RBKS: variants seen among roughly 807,000 people sequenced by gnomAD.
RBKS encodes ribokinase.
A neutral mutation model predicts 33.9 loss-of-function variants in RBKS; 33 were observed. The observed-to-expected ratio is 0.97, with a 90% CI of 0.74 to 1.30. The LOEUF is 1.30. Ranked by LOEUF, RBKS falls within the 50% of genes most tolerant of loss-of-function variation. The pLI is 0.00. For missense variants in RBKS, 361 were observed against 392.6 expected, an observed-to-expected ratio of 0.92 and a Z score of 0.68; for synonymous variants, 125 against 143.0, an observed-to-expected ratio of 0.87 and a Z score of 0.90.
chr2:27,798,316 T>C (rs1485844079), intron 7 of RBKS, among the ~76,000 whole-genome samples: 1 of 152,134 alleles, frequency 6.6e-6, no homozygotes, highest in Non-Finnish European at 1.5e-5. Flanking sequence ...CTGCTTAACC[T>C]GGCTCATGTC....
chr2:27,782,238 T>A (rs1677302703), intron 7 of RBKS, among the ~76,000 whole-genome samples: 1 of 152,138 alleles, frequency 6.6e-6, no homozygotes, highest in African/African-American at 2.4e-5. Context: ...CATAGCTCAC[T>A]GCAGCCTGGG....
At chr2:27,874,640 C>T (rs1664277917) in intron 1 of RBKS, among the ~76,000 whole-genome samples, 1 of 152,222 alleles carries the variant, frequency 6.6e-6, no homozygotes, top group Non-Finnish European at 1.5e-5. Context: ...ACCCCTTTCT[C>T]TTAAAGGTTA....
intron 5 of RBKS, among the ~76,000 whole-genome samples, chr2:27,842,410 CAT>C (rs1168215532): frequency 1.3e-5 from 2 of 152,004 alleles, no homozygotes; most frequent in African/African-American, 4.8e-5. Flanking sequence ...ACATTGATAA[CAT>C]AGAAAATATT....
chr2:27,874,140 T>C (rs1477119910), intron 1 of RBKS, among the ~76,000 whole-genome samples: 2 of 152,086 alleles, frequency 1.3e-5, no homozygotes, highest in Non-Finnish European at 2.9e-5. Flanking sequence ...GAAGATCATA[T>C]GACAAAAAAG....
intron 1 of RBKS, among the ~76,000 whole-genome samples, chr2:27,872,992 A>C (rs1664244618): frequency 6.6e-6 from 1 of 152,112 alleles, no homozygotes; most frequent in Non-Finnish European, 1.5e-5. Context: ...GCAAATGGGG[A>C]GAGGAGTGAG....
chr2:27,849,457 A>G (rs1663689505), intron 2 of RBKS, among the ~76,000 whole-genome samples: 1 of 146,700 alleles, frequency 6.8e-6, no homozygotes, highest in African/African-American at 2.5e-5. Context: ...CAGTTACTTG[A>G]GAGGCTGAGG....
At chr2:27,863,206 G>C (rs1664024312) in intron 1 of RBKS, among the ~76,000 whole-genome samples, 1 of 152,184 alleles carries the variant, frequency 6.6e-6, no homozygotes, top group Non-Finnish European at 1.5e-5. Context: ...CAAATTCATA[G>C]CTTTTAAAAT....
intron 1 of RBKS, among the ~76,000 whole-genome samples, chr2:27,869,352 A>G (rs1664158856): frequency 6.6e-6 from 1 of 152,238 alleles, no homozygotes; most frequent in Non-Finnish European, 1.5e-5. Context: ...ACACTATGTT[A>G]TCAAATTTAA....
intron 7 of RBKS, among the ~76,000 whole-genome samples, chr2:27,789,916 T>TG (rs1491271105): frequency 0.029 from 3,136 of 109,162 alleles, 120 homozygotes; most frequent in African/African-American, 0.13. Context: ...TGTGTGTGTG[T>TG]TTGTGTGTGT....
At chr2:27,841,605 CA>C (rs1441824526) in intron 5 of RBKS, among the ~76,000 whole-genome samples, 1 of 152,062 alleles carries the variant, frequency 6.6e-6, no homozygotes, top group Non-Finnish European at 1.5e-5. Flanking sequence ...GTTGTTTTGC[CA>C]AGAGGAAAAT....
chr2:27,856,558 T>C (rs1663859725), intron 2 of RBKS, among the ~76,000 whole-genome samples: 1 of 152,198 alleles, frequency 6.6e-6, no homozygotes, highest in African/African-American at 2.4e-5. Context: ...TAAAATCAAT[T>C]TCATAATCTT....
chr2:27,858,654 A>C (rs1337332445), intron 1 of RBKS, 83 bp from the exon 2 acceptor site: 2 of 1,212,486 alleles, frequency 1.6e-6, no homozygotes, highest in Non-Finnish European at 2.4e-6. Context: ...GGAAGGCTAT[A>C]TGGTAGAGCT....
chr2:27,848,125 A>C (rs1164438426), intron 2 of RBKS, 28 bp from the exon 3 acceptor site: 1 of 1,291,112 alleles, frequency 7.7e-7, no homozygotes, highest in Non-Finnish European at 1.1e-6. Context: ...TGAATATTAG[A>C]TCTTTTAGAG....
At position 27,781,560 on chromosome 2, in the gene RBKS, G is replaced by T; in HGVS notation, c.*55C>A. ...TTCTAATAAGCATTAGCCAGGAGCA[G>T]CCACCCCCAAGTACATTTTATTCCC... On this transcript the variant is annotated 3_prime_UTR_variant, in exon 8 of 8. Coordinates refer to ENST00000302188, the MANE Select transcript of RBKS (RefSeq NM_022128.3). The T allele has an allele frequency of 7.1e-7, 1 of 1,416,208 alleles. No homozygotes were observed. Among genetic ancestry groups the T allele is most frequent in the Non-Finnish European group, 9.5e-7 (1 of 1,048,334 alleles). The allele number at this position is 1,416,208 out of a possible 1,614,324, so 87.7% of individuals were successfully genotyped here.
intron 1 of RBKS, among the ~76,000 whole-genome samples, chr2:27,867,085 C>T (rs2148224163): frequency 7.6e-6 from 1 of 131,326 alleles, no homozygotes; most frequent in Admixed American, 8.4e-5. Context: ...GCCTGAGTGA[C>T]AGAGTAAGAC....
In RBKS at chr2:27,832,704, G is replaced by A. The variant is rs765426310; in HGVS notation, c.588C>T (p.Phe196=). 1.6e-5 allele frequency: 25 copies of A among 1,612,374 alleles called. No individual in the cohort carries two copies. The highest frequency in any genetic ancestry group is 2.0e-5 in the Non-Finnish European group (24 of 1,178,618). Residue 196 remains phenylalanine, a synonymous_variant, in exon 6 of 8, where the codon TTC becomes TTT. Coordinates refer to ENST00000302188, the MANE Select transcript of RBKS (RefSeq NM_022128.3). ...CCCTTACCTCACTTTCATTGCAGCA[G>A]AACACATCTGAGAGGGTGTAGAACT... ...DPQFYTLSDV[F]CCNESEAEIL...
intron 7 of RBKS, among the ~76,000 whole-genome samples, chr2:27,813,746 A>G (rs1454060042): frequency 1.3e-5 from 2 of 152,288 alleles, no homozygotes; most frequent in South Asian, 2.1e-4. Context: ...AAAGGCAACA[A>G]TAAGAGAAAA....
chr2:27,838,885 C>T (rs1441053971), intron 5 of RBKS, among the ~76,000 whole-genome samples: 1 of 152,066 alleles, frequency 6.6e-6, no homozygotes, highest in Non-Finnish European at 1.5e-5. Context: ...TAATGGATAG[C>T]ACAATAATGT....
chr2:27,801,993 T>TATATATATA (rs1491282690), intron 7 of RBKS, among the ~76,000 whole-genome samples: 2 of 49,756 alleles, frequency 4.0e-5, no homozygotes, highest in Middle Eastern at 0.011. Context: ...TATATATATA[T>TATATATATA]TTTTTTTTTT....
Sources: allele counts gnomAD v4.1 joint callset (sites outside exome capture counted in the v4.1 genomes callset), GRCh38; gene constraint gnomAD v4.1.1; transcripts MANE v1.5; gene names NCBI Gene and HGNC (gene_info 2026-07-23, HGNC 2026-07-21).